The following WWOX variants were observed in gnomAD, a reference collection of about 807,000 sequenced individuals.
WWOX encodes WW domain containing oxidoreductase, also known as WW domain-containing oxidoreductase.
WWOX carries 69 observed loss-of-function variants against 46.2 expected under a neutral mutation model. That is an observed-to-expected ratio of 1.49 (90% CI 1.23 to 1.82). WWOX has a LOEUF of 1.82. Ranked by LOEUF, WWOX falls within the 40% of genes most tolerant of loss-of-function variation. WWOX has a pLI of 0.00. For synonymous variants in WWOX, 359 were observed against 202.6 expected (o/e 1.77, Z -6.56); for missense variants, 919 against 542.6 (o/e 1.69, Z -6.89).
intron 8 of WWOX, among the ~76,000 whole-genome samples, chr16:78,863,839 A>G (rs1247349802): frequency 6.6e-6 from 1 of 152,202 alleles, no homozygotes; most frequent in Non-Finnish European, 1.5e-5. Context: ...ACATCCTATA[A>G]ATGCTATTGT....
At chr16:78,947,364 A>G (rs1279619934) in intron 8 of WWOX, among the ~76,000 whole-genome samples, 1 of 146,580 alleles carries the variant, frequency 6.8e-6, no homozygotes, top group Non-Finnish European at 1.5e-5. Flanking sequence ...TGCATTTGTT[A>G]TTTTTCTCTT....
chr16:79,138,333 A>C (rs2050022965), intron 8 of WWOX, among the ~76,000 whole-genome samples: 1 of 152,104 alleles, frequency 6.6e-6, no homozygotes, highest in African/African-American at 2.4e-5. Context: ...CCACTTCTCA[A>C]CTTGGGAGTC....
At chr16:78,796,562 G>C (rs1341809430) in intron 8 of WWOX, among the ~76,000 whole-genome samples, 3 of 152,246 alleles carry the variant, frequency 2.0e-5, no homozygotes, top group African/African-American at 7.2e-5. Flanking sequence ...GCTTTCTATT[G>C]TAGATTGCTT....
At chr16:79,132,042 C>A (rs927502309) in intron 8 of WWOX, among the ~76,000 whole-genome samples, 17 of 152,004 alleles carry the variant, frequency 1.1e-4, no homozygotes. Context: ...TTCCATAACA[C>A]ATGGGAATTA....
intron 6 of WWOX, among the ~76,000 whole-genome samples, chr16:78,413,700 G>C (rs961306352): frequency 9.2e-5 from 14 of 151,958 alleles, no homozygotes; most frequent in South Asian, 2.1e-4. Context: ...TCAGAGGCCT[G>C]ACACTGATTT....
intron 5 of WWOX, among the ~76,000 whole-genome samples, chr16:78,295,973 G>A (rs1316795603): frequency 1.3e-5 from 2 of 152,230 alleles, no homozygotes; most frequent in African/African-American, 4.8e-5. Flanking sequence ...GACTCATGGG[G>A]TAGGATTCCT....
intron 8 of WWOX, among the ~76,000 whole-genome samples, chr16:78,904,680 G>A (rs944159601): frequency 6.6e-6 from 1 of 152,114 alleles, no homozygotes; most frequent in Non-Finnish European, 1.5e-5. Flanking sequence ...GAGAGAGGTT[G>A]GGGAGCAGGT....
chr16:78,179,185 A>T (rs1384029144), intron 5 of WWOX, among the ~76,000 whole-genome samples: 1 of 152,194 alleles, frequency 6.6e-6, no homozygotes, highest in Non-Finnish European at 1.5e-5. Context: ...GTCATGTATG[A>T]TCCATTGGGC....
In WWOX at chr16:78,114,870, C is replaced by T. The variant is rs1413202716; in HGVS notation, c.231-106C>T. 4.2e-6 allele frequency: 6 copies of T among 1,421,556 alleles called. 1 individual carries two copies. The highest frequency in any genetic ancestry group is 2.4e-4 in the Middle Eastern group (1 of 4,156). The allele number at this position is 1,421,556 out of a possible 1,614,324, so 88.1% of individuals were successfully genotyped here. On this transcript the variant is annotated intron_variant, in intron 3 of 8. Coordinates refer to ENST00000566780, the MANE Select transcript of WWOX (RefSeq NM_016373.4). Reference sequence around the variant, plus strand: ...AGTTCTTTCAGGTTTAAGGAATAAGCATTTTGGTCTATGAAAAATGGGGTT... The same window carrying T: ...AGTTCTTTCAGGTTTAAGGAATAAGTATTTTGGTCTATGAAAAATGGGGTT...
At chr16:78,592,208 TTTG>T (rs1382796193) in intron 8 of WWOX, among the ~76,000 whole-genome samples, 3 of 152,212 alleles carry the variant, frequency 2.0e-5, no homozygotes, top group Admixed American at 6.5e-5. Context: ...CGGATGTGTT[TTTG>T]TTTTATTTTT....
intron 8 of WWOX, among the ~76,000 whole-genome samples, chr16:78,611,320 A>G (rs1476826066): frequency 2.0e-5 from 3 of 152,218 alleles, no homozygotes; most frequent in African/African-American, 7.2e-5. Flanking sequence ...CTGTCAACGC[A>G]ATTAGATAAT....
intron 7 of WWOX, among the ~76,000 whole-genome samples, chr16:78,425,805 G>A (rs898524588): frequency 3.3e-5 from 5 of 152,086 alleles, no homozygotes; most frequent in African/African-American, 1.2e-4. Context: ...GTGTGTGTTT[G>A]GCGGGGGGAA....
chr16:78,819,474 T>A (rs2051433778), intron 8 of WWOX, among the ~76,000 whole-genome samples: 1 of 152,210 alleles, frequency 6.6e-6, no homozygotes, highest in African/African-American at 2.4e-5. Context: ...ACCACCCTTT[T>A]TCTAGAAATT....
At position 78,317,667 on chromosome 16, in the gene WWOX, G is replaced by A. The variant is rs549280877; in HGVS notation, c.517-69193G>A. 5.9e-5 allele frequency among the ~76,000 whole-genome samples: 9 copies of A among 152,190 alleles called. No homozygotes were observed. The South Asian group carries it at 1.0e-3, about 18-fold the overall frequency. On this transcript the variant is annotated intron_variant, in intron 5 of 8. Transcript: ENST00000566780. Reference sequence around the variant, plus strand: ...TCGAAGTCTGCCTCGTTTAGGCTCTGGACTCCTGCTCTCTGTTGACTCTGT... The same window carrying A: ...TCGAAGTCTGCCTCGTTTAGGCTCTAGACTCCTGCTCTCTGTTGACTCTGT...
At chr16:79,026,184 C>G (rs2047637581) in intron 8 of WWOX, among the ~76,000 whole-genome samples, 2 of 151,700 alleles carry the variant, frequency 1.3e-5, no homozygotes, top group Admixed American at 6.6e-5. Context: ...TTTAGGTGAA[C>G]AACCCAAACC....
intron 8 of WWOX, among the ~76,000 whole-genome samples, chr16:78,989,317 C>G (rs755021322): frequency 1.1e-4 from 16 of 152,168 alleles, no homozygotes; most frequent in Non-Finnish European, 2.1e-4. Flanking sequence ...GAGCTAAATA[C>G]ATTAGCTTAT....
chr16:78,733,847 C>T (rs571354244), intron 8 of WWOX, among the ~76,000 whole-genome samples: 1 of 152,122 alleles, frequency 6.6e-6, no homozygotes, highest in Admixed American at 6.5e-5. Context: ...AAGAGGATCA[C>T]TTGAGCCCAG....
At chr16:78,352,552 C>G (rs574028372) in intron 5 of WWOX, among the ~76,000 whole-genome samples, 1 of 152,330 alleles carries the variant, frequency 6.6e-6, no homozygotes, top group Non-Finnish European at 1.5e-5. Flanking sequence ...GGTTCTCTCT[C>G]TTCTGCTTCT....
At chr16:78,561,970 C>G (rs956753970) in intron 8 of WWOX, among the ~76,000 whole-genome samples, 2 of 111,790 alleles carry the variant, frequency 1.8e-5, no homozygotes, top group Non-Finnish European at 3.5e-5. Flanking sequence ...ATGACTTTTG[C>G]ACCAACCTAA....
Sources: allele counts gnomAD v4.1 joint callset (sites outside exome capture counted in the v4.1 genomes callset), GRCh38; gene constraint gnomAD v4.1.1; transcripts MANE v1.5; gene names NCBI Gene and HGNC (gene_info 2026-07-23, HGNC 2026-07-21).